TMEM50B: variants seen among roughly 807,000 people sequenced by gnomAD.
TMEM50B encodes the protein transmembrane protein 50B.
TMEM50B carries 14 observed loss-of-function variants against 23.4 expected under a neutral mutation model. The ratio of observed to expected loss-of-function variants is 0.60; its 90% confidence interval spans 0.39 to 0.93. The LOEUF is 0.93. Ranked by LOEUF, TMEM50B falls within the 40% of genes least tolerant of loss-of-function variation. The pLI, the probability that TMEM50B is intolerant of heterozygous loss-of-function variation, is 0.00. For missense variants in TMEM50B, 159 were observed against 193.0 expected (o/e 0.82, Z 1.04); for synonymous variants, 64 against 62.3 (o/e 1.03, Z -0.13).
intron 7 of TMEM50B, among the ~76,000 whole-genome samples, chr21:33,443,394 GGGT>G (rs748557949): frequency 0.13 from 19,980 of 152,068 alleles, 1,377 homozygotes; most frequent in Admixed American, 0.18. Flanking sequence ...TCGGGGCTGT[GGGT>G]ACATTCCTGT....
intron 6 of TMEM50B, among the ~76,000 whole-genome samples, chr21:33,454,473 G>T (rs998928031): frequency 6.6e-6 from 1 of 151,914 alleles, no homozygotes; most frequent in South Asian, 2.1e-4. Flanking sequence ...ACTAATGTTT[G>T]TATTTTTATT....
chr21:33,438,023 G>A (rs4816452), intron 8 of TMEM50B, among the ~76,000 whole-genome samples: 87,363 of 149,886 alleles, frequency 0.58, 27,395 homozygotes, highest in East Asian at 0.82. Context: ...GGTGGCTCAT[G>A]CCTGTAATCC....
intron 7 of TMEM50B, among the ~76,000 whole-genome samples, chr21:33,443,569 A>G (rs532399927): frequency 1.8e-4 from 28 of 152,376 alleles, no homozygotes; most frequent in African/African-American, 5.8e-4. Flanking sequence ...GAGACACTGC[A>G]GGGATATGAC....
chr21:33,443,033 TTCAAC>T (rs1601105237), intron 7 of TMEM50B, among the ~76,000 whole-genome samples: 1 of 152,202 alleles, frequency 6.6e-6, no homozygotes, highest in African/African-American at 2.4e-5. Context: ...TAAATATTAA[TTCAAC>T]TCGTTTCATT....
intron 8 of TMEM50B, chr21:33,432,937 G>A: frequency 3.0e-6 from 4 of 1,342,206 alleles, no homozygotes; most frequent in South Asian, 1.2e-5. Context: ...CCAGGCGGGA[G>A]TGTCATGGTA....
chr21:33,445,001 T>C (rs554269282), downstream of TMEM50B, among the ~76,000 whole-genome samples: 1 of 148,086 alleles, frequency 6.8e-6, no homozygotes, highest in East Asian at 2.0e-4. Flanking sequence ...TGTAGTGGCA[T>C]GCACCTGAGC....
intron 1 of TMEM50B, among the ~76,000 whole-genome samples, chr21:33,473,541 T>C (rs576936674): frequency 6.8e-4 from 103 of 150,548 alleles, no homozygotes; most frequent in African/African-American, 2.4e-3. Context: ...CCAAGCATGG[T>C]GGTGTGCACT....
intron 7 of TMEM50B, among the ~76,000 whole-genome samples, chr21:33,440,346 G>A (rs1162102734): frequency 6.6e-6 from 1 of 152,178 alleles, no homozygotes; most frequent in Non-Finnish European, 1.5e-5. Context: ...CCAGCACTTT[G>A]GGAGGCTGAG....
At chr21:33,467,231 G>A in intron 2 of TMEM50B, 109 bp from the exon 3 acceptor site, 1 of 908,748 alleles carries the variant, frequency 1.1e-6, no homozygotes, top group Middle Eastern at 2.2e-4. Context: ...TGGGTACAGA[G>A]GCTCACGCCT....
chr21:33,473,459 A>C (rs1054925541), intron 1 of TMEM50B, among the ~76,000 whole-genome samples: 1 of 86,636 alleles, frequency 1.2e-5, no homozygotes, highest in African/African-American at 3.4e-5. Flanking sequence ...TCTCGGAAGA[A>C]AAAAAAAAAA....
chr21:33,457,761 T>C (rs2084182904), intron 5 of TMEM50B, among the ~76,000 whole-genome samples: 1 of 152,068 alleles, frequency 6.6e-6, no homozygotes, highest in Admixed American at 6.5e-5. Context: ...ATAGAAACTG[T>C]AAAGCTCATG....
In TMEM50B at chr21:33,449,655, G is replaced by A. The variant is rs2084099062; in HGVS notation, c.*1163C>T. On this transcript the variant is annotated 3_prime_UTR_variant, in exon 7 of 7. Coordinates refer to ENST00000542230, the MANE Select transcript of TMEM50B (RefSeq NM_006134.7). ...GAGGAGAGACTTGCAGTCGGTAACT[G>A]AGTAGATGAAATGCATAATTTTTCA... 6.6e-6 allele frequency: 1 copy of A among 152,262 alleles called. No individual in the cohort carries two copies. Among genetic ancestry groups the A allele is most frequent in the Admixed American group, 6.5e-5 (1 of 15,288 alleles). 9.4% of individuals were successfully genotyped at this position (152,262 alleles called of 1,614,324 possible). A position where few individuals can be genotyped will look rare whatever the true frequency, so the allele number is the denominator to read the frequency against.
At chr21:33,441,619 G>A (rs941399424) in intron 7 of TMEM50B, among the ~76,000 whole-genome samples, 2 of 151,880 alleles carry the variant, frequency 1.3e-5, no homozygotes, top group Non-Finnish European at 2.9e-5. Flanking sequence ...GCAGTCTTTT[G>A]TGATCATTTT....
chr21:33,475,363 T>G (rs915718043), intron 1 of TMEM50B, among the ~76,000 whole-genome samples: 3 of 151,918 alleles, frequency 2.0e-5, no homozygotes, highest in Non-Finnish European at 4.4e-5. Context: ...TATTTTTTTT[T>G]GGGAGATGGA....
intron 4 of TMEM50B, among the ~76,000 whole-genome samples, chr21:33,460,897 G>T (rs902135974): frequency 6.6e-6 from 1 of 152,138 alleles, no homozygotes; most frequent in Non-Finnish European, 1.5e-5. Context: ...TTTAATCAAT[G>T]GTAAGCTTCT....
chr21:33,456,083 C>T (rs1434622317), intron 5 of TMEM50B: 2 of 620,848 alleles, frequency 3.2e-6, no homozygotes, highest in East Asian at 3.6e-5. Flanking sequence ...GCTCCTTTGC[C>T]TCCTATGGCC....
chr21:33,439,729 A>C (rs1193953500), intron 7 of TMEM50B, among the ~76,000 whole-genome samples: 1 of 151,816 alleles, frequency 6.6e-6, no homozygotes, highest in African/African-American at 2.4e-5. Context: ...TAGTAAAATA[A>C]ATGACTAATT....
At chr21:33,472,984 T>C (rs1601134712) in intron 1 of TMEM50B, among the ~76,000 whole-genome samples, 1 of 151,194 alleles carries the variant, frequency 6.6e-6, no homozygotes, top group East Asian at 1.9e-4. Context: ...AAAGAAAACA[T>C]CATAATCAAA....
intron 4 of TMEM50B, among the ~76,000 whole-genome samples, chr21:33,461,348 G>C (rs1026929696): frequency 2.6e-5 from 4 of 152,186 alleles, no homozygotes; most frequent in African/African-American, 9.7e-5. Context: ...GGTTAGAACA[G>C]CTGATATCTG....
Sources: allele counts gnomAD v4.1 joint callset (sites outside exome capture counted in the v4.1 genomes callset), GRCh38; gene constraint gnomAD v4.1.1; transcripts MANE v1.5; gene names NCBI Gene and HGNC (gene_info 2026-07-23, HGNC 2026-07-21).